Variants in TARDBP observed in about 807,000 individuals in gnomAD.
TARDBP encodes the protein TAR DNA-binding protein 43.
Under a neutral mutation model 38.3 loss-of-function variants are expected in TARDBP, and 4 were observed. That is an observed-to-expected ratio of 0.10 (90% confidence interval 0.05 to 0.24). The LOEUF (loss-of-function observed/expected upper bound fraction) is 0.24. Ranked by LOEUF, TARDBP falls within the 10% of genes least tolerant of loss-of-function variation. TARDBP has a pLI of 1.00. For synonymous variants in TARDBP, 184 were observed against 183.8 expected, an observed-to-expected ratio of 1.00 and a Z score of -0.01; for missense variants, 202 against 521.9, an observed-to-expected ratio of 0.39 and a Z score of 5.97.
chr1:11,019,405 C>G (rs1407910310), intron 4 of TARDBP, among the ~76,000 whole-genome samples: 2 of 152,084 alleles, frequency 1.3e-5, no homozygotes, highest in African/African-American at 4.8e-5. Context: ...TTTACTGTAC[C>G]CTTTCTATGT....
intron 3 of TARDBP, chr1:11,018,492 T>C: frequency 1.8e-6 from 1 of 541,312 alleles, no homozygotes; most frequent in Non-Finnish European, 3.3e-6. Flanking sequence ...CCTGGCCCCA[T>C]CTCTCTTTTT....
Position 11,022,505 on chromosome 1 carries a change from G to A in TARDBP, c.1096G>A (p.Ala366Thr), listed in dbSNP as rs887381679. The change falls in exon 6 of 6, where the codon GCC (alanine) becomes ACC (threonine). Residue 366 changes from alanine to threonine, a missense_variant. Ala to Thr is a moderately conservative substitution (Grantham distance 58). Coordinates refer to ENST00000240185, the MANE Select transcript of TARDBP (RefSeq NM_007375.4). The surrounding 1 kb of genome is among the most constrained non-coding windows in gnomAD (Gnocchi z 4.5). ...CAACATGCAGAGGGAGCCAAACCAGGCCTTCGGTTCTGGAAATAACTCTTA... is the reference window on the plus strand; with the variant it reads ...CAACATGCAGAGGGAGCCAAACCAGACCTTCGGTTCTGGAAATAACTCTTA... ...QGNMQREPNQ[A>T]FGSGNNSYSG... is the part of the protein sequence containing the mutation. 1 of 1,598,744 alleles carries A rather than the reference G, an allele frequency of 6.3e-7. No individual in the cohort carries two copies. The highest frequency in any genetic ancestry group is 8.5e-7 in the Non-Finnish European group (1 of 1,169,662).
At position 11,013,853 on chromosome 1, in the gene TARDBP, C is replaced by A; in HGVS notation, c.126C>A (p.Arg42=). 6.2e-7 allele frequency: 1 copy of A among 1,614,142 alleles called. No individual in the cohort carries two copies. Among genetic ancestry groups the A allele is most frequent in the Non-Finnish European group, 8.5e-7 (1 of 1,179,966 alleles). The change falls in exon 2 of 6, where the codon CGC becomes CGA. Residue 42 remains arginine, a synonymous_variant. Transcript: ENST00000240185. ...TAQFPGACGL[R]YRNPVSQCMR... is the part of the protein sequence containing the mutation. ...AGTTTCCAGGGGCGTGTGGGCTTCGCTACAGGAATCCAGTGTCTCAGTGTA... is the reference window on the plus strand; with the variant it reads ...AGTTTCCAGGGGCGTGTGGGCTTCGATACAGGAATCCAGTGTCTCAGTGTA...
rs1375684772 is a variant in TARDBP at position 11,022,318 on chromosome 1, A to T, written c.909A>T (p.Gln303His). 1 of 1,613,840 alleles carries T rather than the reference A, an allele frequency of 6.2e-7. No individual in the cohort carries two copies. The highest frequency in any genetic ancestry group is 8.5e-7 in the Non-Finnish European group (1 of 1,179,872). ...GTGGAGCTGGTTTGGGAAACAATCA[A>T]GGTAGTAATATGGGTGGTGGGATGA... ...RGGGAGLGNN[Q>H]GSNMGGGMNF... The change falls in exon 6 of 6, where the codon CAA (glutamine) becomes CAT (histidine). Residue 303 changes from glutamine (Q) to histidine (H), a missense_variant. This residue lies in a region of TARDBP where 107 missense variants were observed against 190.5 expected (regional missense o/e 0.56). Coordinates refer to ENST00000240185, the MANE Select transcript of TARDBP (RefSeq NM_007375.4). This position sits in a 1 kb window ranked among gnomAD's most constrained non-coding sequence, Gnocchi z 4.5.
rs1421024122 is a variant in TARDBP, at chr1:11,022,913, A to G, written c.*259A>G. On this transcript the variant is annotated 3_prime_UTR_variant, in exon 6 of 6. Coordinates refer to ENST00000240185, the MANE Select transcript of TARDBP (RefSeq NM_007375.4). This position sits in a 1 kb window ranked among gnomAD's most constrained non-coding sequence, Gnocchi z 4.5. ...TGCTGTTTGCCTGATTGGTAAACCA[A>G]CACACTACAATTGATATCAAAAGGT... 1.9e-5 allele frequency: 26 copies of G among 1,366,886 alleles called. No individual in the cohort carries two copies. The highest frequency in any genetic ancestry group is 1.5e-5 in the African/African-American group (1 of 67,998). 84.7% of individuals were successfully genotyped at this position (1,366,886 alleles called of 1,614,324 possible).
chr1:11,030,339 C>G (rs982714793), downstream of TARDBP: 2 of 905,510 alleles, frequency 2.2e-6, no homozygotes, highest in East Asian at 4.9e-5. Flanking sequence ...AATGTTGATT[C>G]TTGAGCATCA....
intron 2 of TARDBP, among the ~76,000 whole-genome samples, chr1:11,014,365 A>G (rs1643473198): frequency 1.3e-5 from 2 of 152,208 alleles, no homozygotes. Context: ...TTAAATGAGC[A>G]AACAGTTGGA....
intron 3 of TARDBP, 151 bp from the exon 4 acceptor site, chr1:11,018,582 C>T (rs1034284169): frequency 2.0e-6 from 2 of 993,058 alleles, no homozygotes; most frequent in African/African-American, 3.2e-5. Context: ...TATTAACCTC[C>T]TTGTTTTTAC....
At position 11,013,936 on chromosome 1, in the gene TARDBP, A is replaced by C. The variant is rs1276353622; in HGVS notation, c.209A>C (p.Asn70Thr). Residue 70 changes from asparagine (N) to threonine (T), a missense_variant, in exon 2 of 6, where the codon AAT becomes ACT. Transcript: ENST00000240185. ...CATGCCCCAGATGCTGGCTGGGGAA[A>C]TCTGGTGTATGTTGTCAACTATCCA... The part of the protein sequence containing the change: ...ILHAPDAGWG[N>T]LVYVVNYPKD... The C allele has an allele frequency of 6.2e-7, 1 of 1,614,184 alleles. No homozygotes were observed. The highest frequency in any genetic ancestry group is 8.5e-7 in the Non-Finnish European group (1 of 1,180,034).
chr1:11,028,128 A>C (rs967897171), downstream of TARDBP, among the ~76,000 whole-genome samples: 4 of 152,090 alleles, frequency 2.6e-5, no homozygotes, highest in Non-Finnish European at 5.9e-5. Context: ...AGGCTGAGGC[A>C]GGAGAGTTGC....
intron 5 of TARDBP, among the ~76,000 whole-genome samples, chr1:11,021,081 C>G: frequency 6.6e-6 from 1 of 151,926 alleles, no homozygotes. Context: ...TTTAAGAAAT[C>G]TAAAAGTAAA....
At position 11,023,364 on chromosome 1, in the gene TARDBP, T is replaced by A; in HGVS notation, c.*710T>A. The A allele has an allele frequency of 8.7e-7, 1 of 1,143,254 alleles. No homozygotes were observed. Among genetic ancestry groups the A allele is most frequent in the Non-Finnish European group, 1.3e-6 (1 of 785,844 alleles). The allele number at this position is 1,143,254 out of a possible 1,614,324, so 70.8% of individuals were successfully genotyped here. ...CCATTTTTATCCGCTACTCTTTATT[T>A]CATGGAGTCGTATCAACGCTATGAA... On this transcript the variant is annotated 3_prime_UTR_variant, in exon 6 of 6. Coordinates refer to ENST00000240185, the MANE Select transcript of TARDBP (RefSeq NM_007375.4).
At chr1:11,028,655 C>G (rs1643780343), downstream of TARDBP, among the ~76,000 whole-genome samples, 1 of 151,522 alleles carries the variant, frequency 6.6e-6, no homozygotes, top group Non-Finnish European at 1.5e-5. Context: ...CTAATTTGAG[C>G]CAAATAACAC....
At chr1:11,018,211 G>C (rs1469965080) in intron 3 of TARDBP, among the ~76,000 whole-genome samples, 1 of 151,588 alleles carries the variant, frequency 6.6e-6, no homozygotes, top group Non-Finnish European at 1.5e-5. Context: ...TTTGGAGACA[G>C]GGTCTGGCTC....
chr1:11,024,248 ATTTG>A lies in TARDBP; in HGVS notation c.*1597_*1600del, dbSNP rs748047297. On this transcript the variant is annotated 3_prime_UTR_variant, in exon 6 of 6. Transcript: ENST00000240185. ...CACCTGATACCCAGACTTAATTGGT[ATTTG>A]TTCTTGCATTGGCCAAAGTGAAAAT... The A allele has an allele frequency of 1.6e-4, 25 of 152,390 alleles. No individual in the cohort carries two copies. Among genetic ancestry groups the A allele is most frequent in the Non-Finnish European group, 2.9e-5 (2 of 67,994 alleles). 9.4% of individuals were successfully genotyped at this position (152,390 alleles called of 1,614,324 possible).
chr1:11,018,579 C>T (rs1012521384), intron 3 of TARDBP, 154 bp from the exon 4 acceptor site: 1 of 945,184 alleles, frequency 1.1e-6, no homozygotes, highest in Non-Finnish European at 1.7e-6. Context: ...CAATATTAAC[C>T]TCCTTGTTTT....
At chr1:11,019,713 C>A (rs1643598424) in intron 4 of TARDBP, among the ~76,000 whole-genome samples, 1 of 151,932 alleles carries the variant, frequency 6.6e-6, no homozygotes, top group African/African-American at 2.4e-5. Flanking sequence ...ACTACAGGTG[C>A]CCACCAACAC....
chr1:11,015,224 A>G (rs1446329268), intron 2 of TARDBP, among the ~76,000 whole-genome samples: 1 of 150,810 alleles, frequency 6.6e-6, no homozygotes, highest in Non-Finnish European at 1.5e-5. Context: ...AATGGCTCAC[A>G]CCTGTAATCC....
At chr1:11,029,355 T>C (rs779389725), downstream of TARDBP, among the ~76,000 whole-genome samples, 36 of 146,274 alleles carry the variant, frequency 2.5e-4, 1 homozygote, top group Middle Eastern at 3.4e-3. Context: ...GAGCCGAGAT[T>C]GCGCCACTGC....
Sources: gnomAD v4.1 joint callset for allele counts (sites outside exome capture counted in the v4.1 genomes callset) on GRCh38, gnomAD v4.1.1 for gene constraint, gnomAD v4.1.1 regional missense constraint, Gnocchi (gnomAD v3.1) non-coding constraint, MANE v1.5 for transcripts, NCBI Gene and HGNC (gene_info 2026-07-23, HGNC 2026-07-21) for gene names.